Variants in EBF1 observed in about 807,000 individuals in gnomAD.
The protein encoded by EBF1 is EBF transcription factor 1, also known as transcription factor COE1.
In EBF1, 10 loss-of-function variants were observed where a neutral mutation model predicts 68.4. The ratio of observed to expected loss-of-function variants is 0.15; its 90% CI spans 0.09 to 0.25. The LOEUF is 0.25. Ranked by LOEUF, EBF1 falls within the 10% of genes least tolerant of loss-of-function variation. The pLI is 1.00. For synonymous variants in EBF1, 298 were observed against 299.8 expected, an observed-to-expected ratio of 0.99 and a Z score of 0.06; for missense variants, 509 against 794.4, an observed-to-expected ratio of 0.64 and a Z score of 4.32.
chr5:158,863,328 C>T (rs1355610261), intron 6 of EBF1, among the ~76,000 whole-genome samples: 1 of 152,150 alleles, frequency 6.6e-6, no homozygotes, highest in East Asian at 1.9e-4. Flanking sequence ...TAGAACATCC[C>T]ACCTCAGTTT....
intron 7 of EBF1, among the ~76,000 whole-genome samples, chr5:158,825,061 G>C (rs1785748282): frequency 1.3e-5 from 2 of 152,168 alleles, no homozygotes; most frequent in Non-Finnish European, 2.9e-5. Flanking sequence ...AAATCATTTG[G>C]GGGATGACAT....
chr5:159,065,824 A>T (rs1390683537), intron 6 of EBF1, among the ~76,000 whole-genome samples: 1 of 152,188 alleles, frequency 6.6e-6, no homozygotes, highest in Non-Finnish European at 1.5e-5. Flanking sequence ...AGAAAACAAT[A>T]AAAGAACAAG....
chr5:158,993,474 C>T (rs1432267754), intron 6 of EBF1, among the ~76,000 whole-genome samples: 3 of 152,062 alleles, frequency 2.0e-5, no homozygotes, highest in Non-Finnish European at 4.4e-5. Flanking sequence ...TAGTGTTTTC[C>T]CTCTGAAAAC....
At chr5:159,088,317 C>T (rs1160728861) in intron 4 of EBF1, among the ~76,000 whole-genome samples, 1 of 152,022 alleles carries the variant, frequency 6.6e-6, no homozygotes, top group Non-Finnish European at 1.5e-5. Context: ...TTTCAAAATG[C>T]CCTAAAGTTC....
chr5:158,855,621 C>G (rs558148067), intron 6 of EBF1, among the ~76,000 whole-genome samples: 3 of 152,236 alleles, frequency 2.0e-5, no homozygotes, highest in South Asian at 2.1e-4. Flanking sequence ...AGTGATCCCC[C>G]TCTCATTCCC....
chr5:158,750,790 A>T (rs537439738), intron 10 of EBF1, among the ~76,000 whole-genome samples: 32 of 151,660 alleles, frequency 2.1e-4, no homozygotes, highest in Non-Finnish European at 4.3e-4. Context: ...TAGGGCATTT[A>T]AAAAAAAATC....
At chr5:158,718,492 G>A (rs1026653110) in intron 11 of EBF1, among the ~76,000 whole-genome samples, 1 of 152,078 alleles carries the variant, frequency 6.6e-6, no homozygotes, top group Non-Finnish European at 1.5e-5. Context: ...CGTACTGAAG[G>A]GGATCGTGAT....
intron 6 of EBF1, among the ~76,000 whole-genome samples, chr5:159,056,911 T>A (rs1441293797): frequency 6.6e-6 from 1 of 152,122 alleles, no homozygotes. Context: ...TGACTATTGA[T>A]GAAATACCTC....
In EBF1 at chr5:158,813,942, C is replaced by T. The variant is rs187710709; in HGVS notation, c.778+9234G>A. On this transcript the variant is annotated intron_variant, in intron 8 of 15. Coordinates refer to ENST00000313708, the MANE Select transcript of EBF1 (RefSeq NM_024007.5). ...CTGAAATTCTCAAGTGAGGGGAGCT[C>T]CTGTGACAGATAAGTATAGAGACAG... 2.2e-4 allele frequency among the ~76,000 whole-genome samples: 33 copies of T among 152,262 alleles called. No individual in the cohort carries two copies. In the East Asian group the frequency reaches 2.5e-3, roughly 12 times the overall value.
intron 6 of EBF1, among the ~76,000 whole-genome samples, chr5:158,943,831 G>C (rs909447883): frequency 6.6e-6 from 1 of 152,142 alleles, no homozygotes; most frequent in African/African-American, 2.4e-5. Flanking sequence ...CTCCATGTTT[G>C]GGTCAATCAA....
chr5:158,828,840 T>C (rs559737380), intron 7 of EBF1, among the ~76,000 whole-genome samples: 16 of 152,196 alleles, frequency 1.1e-4, no homozygotes, highest in Non-Finnish European at 1.8e-4. Context: ...TATAATAGAA[T>C]ATCATTTTGC....
intron 6 of EBF1, among the ~76,000 whole-genome samples, chr5:158,918,609 T>C (rs1466302237): frequency 6.6e-6 from 1 of 152,218 alleles, no homozygotes; most frequent in Non-Finnish European, 1.5e-5. Context: ...ACTGTGTGTA[T>C]AGTTAAGCCA....
At position 158,937,547 on chromosome 5, in the gene EBF1, G is replaced by T. The variant is rs563329906; in HGVS notation, c.555-97437C>A. 3.3e-5 allele frequency among the ~76,000 whole-genome samples: 5 copies of T among 152,312 alleles called. No homozygotes were observed. In the South Asian group the frequency reaches 8.3e-4, roughly 25 times the overall value. ...GGCACACCGATGAAGGGAAAGAATT[G>T]CTCAGGGTCACGCAAAGGGGTAGAG... On this transcript the variant is annotated intron_variant, in intron 6 of 15. Coordinates refer to ENST00000313708, the MANE Select transcript of EBF1 (RefSeq NM_024007.5).
At chr5:158,827,845 T>A (rs989932322) in intron 7 of EBF1, among the ~76,000 whole-genome samples, 2 of 152,158 alleles carry the variant, frequency 1.3e-5, no homozygotes, top group Middle Eastern at 3.2e-3. Context: ...AAACACAGAA[T>A]CAGAGCAAAG....
intron 6 of EBF1, among the ~76,000 whole-genome samples, chr5:159,029,614 A>T (rs1175032752): frequency 6.6e-6 from 1 of 152,188 alleles, no homozygotes; most frequent in Admixed American, 6.5e-5. Flanking sequence ...AGTTCTAATA[A>T]TTTTTTAAAA....
chr5:158,960,611 T>A (rs1056789342), intron 6 of EBF1, among the ~76,000 whole-genome samples: 15 of 152,258 alleles, frequency 9.9e-5, no homozygotes, highest in African/African-American at 3.6e-4. Context: ...TTTTTAAATA[T>A]ATCCACAAAT....
chr5:159,053,800 G>C (rs1376808439), intron 6 of EBF1, among the ~76,000 whole-genome samples: 2 of 152,180 alleles, frequency 1.3e-5, no homozygotes, highest in Non-Finnish European at 2.9e-5. Context: ...ACCCAATTAG[G>C]CATTGCATGG....
In EBF1 at chr5:158,973,221, AG is replaced by A. The variant is rs547316531; in HGVS notation, c.554+100174del. Among the ~76,000 whole-genome samples the A allele has an allele frequency of 2.5e-3, 384 of 152,300 alleles. 3 individuals are homozygous for A. Among genetic ancestry groups the A allele is most frequent in the Admixed American group, 4.0e-3 (61 of 15,294 alleles). The stretch of plus-strand genomic sequence containing the variant: ...CTAAGATCAGTGCCTGGATCTTGAA[AG>A]GTACTCAGTAAATACTTGTTGAAAG... On this transcript the variant is annotated intron_variant, in intron 6 of 15. Coordinates refer to ENST00000313708, the MANE Select transcript of EBF1 (RefSeq NM_024007.5).
intron 6 of EBF1, among the ~76,000 whole-genome samples, chr5:159,023,412 AC>A (rs1225209817): frequency 6.6e-6 from 1 of 152,126 alleles, no homozygotes; most frequent in Non-Finnish European, 1.5e-5. Flanking sequence ...AGAAATTTAA[AC>A]CCAATTCTGT....
Sources: allele counts gnomAD v4.1 joint callset (sites outside exome capture counted in the v4.1 genomes callset), GRCh38; gene constraint gnomAD v4.1.1; transcripts MANE v1.5; gene names NCBI Gene and HGNC (gene_info 2026-07-23, HGNC 2026-07-21).